The following CARNMT1 variants were observed in gnomAD, a reference collection of about 807,000 sequenced individuals.
The protein encoded by CARNMT1 is carnosine N-methyltransferase 1, also known as protein-L-histidine N-pros-methyltransferase CARNMT1.
In CARNMT1, 28 loss-of-function variants were observed where a neutral mutation model predicts 49.6. The ratio of observed to expected loss-of-function variants is 0.56; its 90% CI spans 0.42 to 0.77. The LOEUF (loss-of-function observed/expected upper bound fraction) is 0.77. CARNMT1 is among the 30% of genes least tolerant of loss of function. The pLI is 0.00. For synonymous variants in CARNMT1, 178 were observed against 175.0 expected (o/e 1.02, Z -0.13); for missense variants, 421 against 512.6 (o/e 0.82, Z 1.73).
chr9:74,993,069 T>C (rs1486078923), intron 6 of CARNMT1, among the ~76,000 whole-genome samples: 2 of 152,098 alleles, frequency 1.3e-5, no homozygotes, highest in African/African-American at 4.8e-5. Context: ...CATACATACA[T>C]GTAACAGTCA....
rs1188998976 is a variant in CARNMT1 at position 74,999,847 on chromosome 9, A to C, written c.614T>G (p.Leu205Arg). 6.2e-7 allele frequency: 1 copy of C among 1,611,050 alleles called. No homozygotes were observed. The highest frequency in any genetic ancestry group is 8.5e-7 in the Non-Finnish European group (1 of 1,178,598). Residue 205 changes from leucine (L) to arginine (R), a missense_variant, in exon 4 of 8, where the codon CTG becomes CGG. Leu to Arg is a moderately radical substitution (Grantham distance 102). Coordinates refer to ENST00000376834, the MANE Select transcript of CARNMT1 (RefSeq NM_152420.3). Reference protein sequence around the residue: ...ERWDPSKVNILVPGAGLGRLA... With the variant: ...ERWDPSKVNIRVPGAGLGRLA... ...TCTTCCTAGTCCAGCACCAGGTACC[A>C]GAATATTTACTTTAGAAGGATCCCT...
rs750072371 is a variant in CARNMT1, at chr9:74,983,824, G to A, written c.1173C>T (p.Leu391=). Residue 391 remains leucine, a synonymous_variant, in exon 8 of 8, where the codon CTC becomes CTT. Transcript: ENST00000376834. ...ATTCATAGTAGTATTTCATCATAGA[G>A]AGATCATTCACAGTATATGTTGACA... The part of the protein sequence containing the change: ...SVLSTYTVND[L]SMMKYYYECV... 2 of 1,607,834 alleles carry A rather than the reference G, an allele frequency of 1.2e-6. No individual in the cohort carries two copies. The highest frequency in any genetic ancestry group is 1.7e-6 in the Non-Finnish European group (2 of 1,176,520).
chr9:75,008,421 T>C lies in CARNMT1; in HGVS notation c.590+7847A>G, dbSNP rs1053756445. On this transcript the variant is annotated intron_variant, in intron 3 of 7. Coordinates refer to ENST00000376834, the MANE Select transcript of CARNMT1 (RefSeq NM_152420.3). ...ATCTCAGCTCACTGCAACCTCTGCCTCCTGAGTTCAAGCAATTCTCCTGCC... is the reference window on the plus strand; with the variant it reads ...ATCTCAGCTCACTGCAACCTCTGCCCCCTGAGTTCAAGCAATTCTCCTGCC... Among the ~76,000 whole-genome samples the C allele has an allele frequency of 1.3e-4, 20 of 152,150 alleles. 1 individual carries two copies. Among genetic ancestry groups the C allele is most frequent in the Admixed American group, 1.3e-3 (20 of 15,268 alleles).
chr9:75,007,066 C>A (rs774052371), intron 3 of CARNMT1, among the ~76,000 whole-genome samples: 6 of 152,118 alleles, frequency 3.9e-5, no homozygotes, highest in South Asian at 2.1e-4. Flanking sequence ...TGGTACATTT[C>A]TATTAAAAGC....
chr9:74,986,599 T>C (rs968385172), intron 6 of CARNMT1, among the ~76,000 whole-genome samples: 2 of 152,142 alleles, frequency 1.3e-5, no homozygotes, highest in Non-Finnish European at 2.9e-5. Flanking sequence ...TCCAATAACA[T>C]AGTTTTATTA....
intron 1 of CARNMT1, among the ~76,000 whole-genome samples, chr9:75,023,297 C>G (rs964581613): frequency 6.6e-6 from 1 of 152,172 alleles, no homozygotes; most frequent in Admixed American, 6.5e-5. Flanking sequence ...TTCTAAAACA[C>G]AAGTGTCATC....
At chr9:75,005,641 T>G (rs1197663044) in intron 3 of CARNMT1, among the ~76,000 whole-genome samples, 1 of 151,502 alleles carries the variant, frequency 6.6e-6, no homozygotes, top group Admixed American at 6.6e-5. Flanking sequence ...CCCGGCTAAT[T>G]TTTTTGTATT....
At chr9:74,991,568 A>G (rs1390422959) in intron 6 of CARNMT1, 1 of 152,146 alleles carries the variant, frequency 6.6e-6, no homozygotes, top group African/African-American at 2.4e-5. Context: ...CCCCCATTCT[A>G]TATGAGGACA....
intron 3 of CARNMT1, among the ~76,000 whole-genome samples, chr9:75,012,577 C>G (rs940936829): frequency 6.6e-6 from 1 of 152,126 alleles, no homozygotes; most frequent in African/African-American, 2.4e-5. Flanking sequence ...GCCACCACAC[C>G]TGGACAGGTC....
At chr9:74,983,938 C>CAT in intron 7 of CARNMT1, 70 bp from the exon 8 acceptor site, 2 of 1,008,702 alleles carry the variant, frequency 2.0e-6, no homozygotes, top group Non-Finnish European at 2.9e-6. Flanking sequence ...ATTCTGAGCA[C>CAT]ATATGTATCA....
At chr9:74,998,526 G>T (rs1833261996) in intron 5 of CARNMT1, 72 bp downstream of exon 5, 1 of 1,243,920 alleles carries the variant, frequency 8.0e-7, no homozygotes, top group Non-Finnish European at 1.1e-6. Flanking sequence ...CTAAACCTTG[G>T]CTTAGGATAA....
intron 3 of CARNMT1, among the ~76,000 whole-genome samples, chr9:75,004,252 A>C (rs974878138): frequency 2.0e-5 from 3 of 152,242 alleles, no homozygotes; most frequent in Non-Finnish European, 4.4e-5. Flanking sequence ...TCCACCAGCA[A>C]CATATTTATG....
At chr9:74,984,862 G>T in intron 7 of CARNMT1, 45 bp downstream of exon 7, 1 of 1,242,478 alleles carries the variant, frequency 8.0e-7, no homozygotes, top group South Asian at 1.2e-5. Context: ...TTCTGTTGAG[G>T]TGCTTTGGGA....
At position 75,020,853 on chromosome 9, in the gene CARNMT1, A is replaced by T. The variant is rs186094626; in HGVS notation, c.231-3405T>A. 1.3e-4 allele frequency among the ~76,000 whole-genome samples: 20 copies of T among 152,288 alleles called. No individual in the cohort carries two copies. In the East Asian group the frequency reaches 3.7e-3, roughly 28 times the overall value. On this transcript the variant is annotated intron_variant, in intron 1 of 7. Transcript: ENST00000376834. ...GACATGCCCCTCTGGGGAGAGTATA[A>T]TAATGAGCTTTGAAGTCAGAAAGAT... is the stretch of plus-strand genomic sequence containing the variant.
intron 3 of CARNMT1, among the ~76,000 whole-genome samples, chr9:75,000,946 T>C (rs1833335116): frequency 6.6e-6 from 1 of 152,122 alleles, no homozygotes. Flanking sequence ...ATTCCTTATA[T>C]AAGGGAACTG....
At chr9:75,008,457 A>G (rs1833586641) in intron 3 of CARNMT1, among the ~76,000 whole-genome samples, 1 of 152,130 alleles carries the variant, frequency 6.6e-6, no homozygotes, top group South Asian at 2.1e-4. Context: ...TCAGCCTTCC[A>G]AGTAGCTGGA....
intron 6 of CARNMT1, among the ~76,000 whole-genome samples, chr9:74,988,486 C>T (rs928927195): frequency 6.6e-6 from 1 of 152,040 alleles, no homozygotes; most frequent in South Asian, 2.1e-4. Context: ...AATAGTTTTA[C>T]TGTATGAATG....
At chr9:75,028,331 CGCCGCGGACATGCCCCCA>C (rs1224825001), upstream of CARNMT1, 3 of 1,312,428 alleles carry the variant, frequency 2.3e-6, no homozygotes, top group Non-Finnish European at 1.9e-6. Context: ...AGACGGCGCC[CGCCGCGGACATGCCCCCA>C]GCTCGCGGCG....
chr9:75,005,886 G>C (rs963583875), intron 3 of CARNMT1, among the ~76,000 whole-genome samples: 3 of 144,228 alleles, frequency 2.1e-5, no homozygotes, highest in African/African-American at 7.6e-5. Flanking sequence ...TAAAAGGCTA[G>C]CTGACATAAA....
Sources: gnomAD v4.1 joint callset for allele counts (sites outside exome capture counted in the v4.1 genomes callset) on GRCh38, gnomAD v4.1.1 for gene constraint, MANE v1.5 for transcripts, NCBI Gene and HGNC (gene_info 2026-07-23, HGNC 2026-07-21) for gene names.